Variants in DNAH2 observed in about 807,000 individuals in gnomAD.
DNAH2 encodes dynein axonemal heavy chain 2.
A neutral mutation model predicts 523.5 loss-of-function variants in DNAH2; 323 were observed. The observed-to-expected ratio is 0.62, with a 90% CI of 0.56 to 0.68. The LOEUF (loss-of-function observed/expected upper bound fraction) is 0.68, where lower values mean the gene tolerates loss of function less well. Ranked by LOEUF, DNAH2 falls within the 30% of genes least tolerant of loss-of-function variation. The pLI, the probability that DNAH2 is intolerant of heterozygous loss-of-function variation, is 0.00. For synonymous variants in DNAH2, 2,093 were observed against 2,177.4 expected (o/e 0.96, Z 1.08); for missense variants, 4,907 against 5,701.5 (o/e 0.86, Z 4.49).
intron 7 of DNAH2, among the ~76,000 whole-genome samples, chr17:7,736,272 A>G (rs2075140013): frequency 6.6e-6 from 1 of 152,196 alleles, no homozygotes; most frequent in Non-Finnish European, 1.5e-5. Context: ...ATACAGATAG[A>G]AGACCTGTCT....
At chr17:7,748,175 A>C (rs1158689680) in intron 12 of DNAH2, among the ~76,000 whole-genome samples, 1 of 152,202 alleles carries the variant, frequency 6.6e-6, no homozygotes, top group East Asian at 1.9e-4. Flanking sequence ...TTACGGACAG[A>C]ACAGCTTCAC....
chr17:7,768,017 C>T lies in DNAH2; in HGVS notation c.3793C>T (p.His1265Tyr). 1 of 1,614,136 alleles carries T rather than the reference C, an allele frequency of 6.2e-7. No homozygotes were observed. ...GACGGAAACCATGGAGACCACGGCC[C>T]ACGGGCTGTTTCGTCGCCTCACAAA... is the stretch of plus-strand genomic sequence containing the variant. ...LQTETMETTA[H>Y]GLFRRLTKLA... Residue 1265 changes from histidine to tyrosine, a missense_variant, in exon 23 of 86, where the codon CAC (histidine) becomes TAC (tyrosine). Physicochemically the swap from His to Tyr is moderately conservative, Grantham distance 83 (BLOSUM62 2). This residue lies in a region of DNAH2 where 2,806 missense variants were observed against 3,190.8 expected (regional missense o/e 0.88). Transcript: ENST00000572933.
intron 18 of DNAH2, 94 bp downstream of exon 18, chr17:7,761,026 G>A (rs2075991036): frequency 6.8e-7 from 1 of 1,477,246 alleles, no homozygotes; most frequent in African/African-American, 1.4e-5. Context: ...GGGTAGGGGA[G>A]CTGAGGATGA....
In DNAH2 at chr17:7,729,021, T is replaced by C. The variant is rs181043891; in HGVS notation, c.399+1729T>C. Among the ~76,000 whole-genome samples the C allele has an allele frequency of 1.0e-3, 151 of 151,532 alleles. 1 individual carries two copies. The highest frequency in any genetic ancestry group is 4.4e-4 in the Non-Finnish European group (30 of 67,828). Reference sequence around the variant, plus strand: ...CAAAAACAAAAAACAAAAGGGCCAGTTGAAACTTCCTTTAAAAATTATTAC... The same window carrying C: ...CAAAAACAAAAAACAAAAGGGCCAGCTGAAACTTCCTTTAAAAATTATTAC... On this transcript the variant is annotated intron_variant, in intron 4 of 85. Coordinates refer to ENST00000572933, the MANE Select transcript of DNAH2 (RefSeq NM_020877.5).
Position 7,738,098 on chromosome 17 carries a change from C to T in DNAH2, c.1170+840C>T, listed in dbSNP as rs570591857. The T allele has an allele frequency of 5.7e-6, 4 of 703,574 alleles. No homozygotes were observed. The South Asian group carries it at 5.9e-5, about 10-fold the overall frequency. 43.6% of individuals were successfully genotyped at this position (703,574 alleles called of 1,614,324 possible). On this transcript the variant is annotated intron_variant, in intron 8 of 85. Transcript: ENST00000572933. The stretch of plus-strand genomic sequence containing the variant: ...TCACGCTTGGAAAGATCACTACGTA[C>T]AGGCTGTGCAGATGCACATCCAGTA...
In DNAH2 at chr17:7,738,000, T is replaced by A. The variant is rs2075191921; in HGVS notation, c.1170+742T>A. 4.3e-6 allele frequency: 3 copies of A among 703,204 alleles called. No homozygotes were observed. The East Asian group carries it at 8.0e-5, about 19-fold the overall frequency. The allele number at this position is 703,204 out of a possible 1,614,324, so 43.6% of individuals were successfully genotyped here. ...ATCATCCGCTTATGCTGCCACGCCATCTCCCTGGACCGGATCTTTGAGGGA... is the reference window on the plus strand; with the variant it reads ...ATCATCCGCTTATGCTGCCACGCCAACTCCCTGGACCGGATCTTTGAGGGA... On this transcript the variant is annotated intron_variant, in intron 8 of 85. Transcript: ENST00000572933.
In DNAH2 at chr17:7,759,286, C is replaced by T. The variant is rs919091407; in HGVS notation, c.2449-136C>T. 3.5e-5 allele frequency: 50 copies of T among 1,425,108 alleles called. No homozygotes were observed. The African/African-American group carries it at 6.1e-4, about 18-fold the overall frequency. The allele number at this position is 1,425,108 out of a possible 1,614,324, so 88.3% of individuals were successfully genotyped here. A position where few individuals can be genotyped will look rare whatever the true frequency, so the allele number is the denominator to read the frequency against. On this transcript the variant is annotated intron_variant, in intron 15 of 85. Transcript: ENST00000572933. The stretch of plus-strand genomic sequence containing the variant: ...ACTCAGCCAACCTTCAGTCCTCACA[C>T]CTCTTCCTCCAGGACTCAGCGTCCT...
chr17:7,742,778 A>C (rs947361402), intron 11 of DNAH2, 150 bp from the exon 12 acceptor site: 1 of 477,674 alleles, frequency 2.1e-6, no homozygotes. Context: ...CTTCCTTCTA[A>C]GTTATCAAAA....
intron 18 of DNAH2, among the ~76,000 whole-genome samples, chr17:7,763,474 T>C (rs1462749310): frequency 6.6e-6 from 1 of 151,904 alleles, no homozygotes; most frequent in East Asian, 1.9e-4. Flanking sequence ...AGAGATAAGG[T>C]TTCACCATGT....
chr17:7,803,127 T>C (rs2077269411), intron 58 of DNAH2, among the ~76,000 whole-genome samples: 1 of 152,034 alleles, frequency 6.6e-6, no homozygotes, highest in Non-Finnish European at 1.5e-5. Flanking sequence ...ATGATATAAC[T>C]CAAGTCTGAA....
chr17:7,725,603 T>C (rs1026287611), intron 3 of DNAH2, among the ~76,000 whole-genome samples: 65 of 150,756 alleles, frequency 4.3e-4, no homozygotes, highest in African/African-American at 1.5e-3. Flanking sequence ...CGGCTGATTT[T>C]TGTATTTTTT....
intron 7 of DNAH2, 100 bp downstream of exon 7, chr17:7,734,808 G>T: frequency 7.9e-7 from 1 of 1,271,706 alleles, no homozygotes. Context: ...GGCAATCTTC[G>T]ATAGCACAGA....
intron 39 of DNAH2, among the ~76,000 whole-genome samples, chr17:7,783,375 C>A (rs530401600): frequency 1.8e-4 from 28 of 152,182 alleles, no homozygotes; most frequent in Non-Finnish European, 3.4e-4. Context: ...CTGCGCCGGG[C>A]CAGGATGACT....
chr17:7,793,503 C>CTTTCTTTCTTTCTTTA (rs2076972417), intron 48 of DNAH2, among the ~76,000 whole-genome samples: 3 of 135,110 alleles, frequency 2.2e-5, no homozygotes, highest in African/African-American at 7.8e-5. Flanking sequence ...TTCTTTCTTT[C>CTTTCTTTCTTTCTTTA]TTTCTTTCTT....
rs1567748896 is a variant in DNAH2 at position 7,817,675 on chromosome 17, A to G, written c.10135A>G (p.Thr3379Ala). ...AGGGTTGCCCTCAGACGCCTTCTCCACTGAGAATGGCATCATCGTCACCCG... is the reference window on the plus strand; with the variant it reads ...AGGGTTGCCCTCAGACGCCTTCTCCGCTGAGAATGGCATCATCGTCACCCG... ...IQGLPSDAFS[T>A]ENGIIVTRGN... Residue 3379 changes from threonine to alanine, a missense_variant, in exon 66 of 86, where the codon ACT (threonine) becomes GCT (alanine). Transcript: ENST00000572933. The G allele has an allele frequency of 6.2e-7, 1 of 1,614,088 alleles. No individual in the cohort carries two copies. The highest frequency in any genetic ancestry group is 2.2e-5 in the East Asian group (1 of 44,868).
At chr17:7,769,119 T>C (rs1481745048) in intron 24 of DNAH2, among the ~76,000 whole-genome samples, 1 of 152,184 alleles carries the variant, frequency 6.6e-6, no homozygotes, top group Admixed American at 6.5e-5. Context: ...TCCCTCTCTC[T>C]GAAAGGGAGT....
chr17:7,825,624 A>G (rs1001737265), intron 77 of DNAH2, among the ~76,000 whole-genome samples: 3 of 152,224 alleles, frequency 2.0e-5, no homozygotes, highest in Admixed American at 1.3e-4. Flanking sequence ...CTAAGGACTA[A>G]GAGGGGAGGG....
intron 18 of DNAH2, among the ~76,000 whole-genome samples, chr17:7,762,417 G>A (rs1174121770): frequency 6.8e-6 from 1 of 147,024 alleles, no homozygotes; most frequent in Non-Finnish European, 1.5e-5. Context: ...CTCACCGCAA[G>A]CTCCGCCTCC....
chr17:7,822,078 C>T (rs1365700609), intron 73 of DNAH2, among the ~76,000 whole-genome samples: 1 of 152,178 alleles, frequency 6.6e-6, no homozygotes, highest in African/African-American at 2.4e-5. Flanking sequence ...TCAAGCCATC[C>T]TCGCATCTTA....
Sources: allele counts gnomAD v4.1 joint callset (sites outside exome capture counted in the v4.1 genomes callset), GRCh38; gene constraint gnomAD v4.1.1; regional missense constraint gnomAD v4.1.1; transcripts MANE v1.5; gene names NCBI Gene and HGNC (gene_info 2026-07-23, HGNC 2026-07-21).